PPP2R2A: variants seen among roughly 807,000 people sequenced by gnomAD.
The protein encoded by PPP2R2A is serine/threonine-protein phosphatase 2A 55 kDa regulatory subunit B alpha isoform.
Under a neutral mutation model 53.2 loss-of-function variants are expected in PPP2R2A, and 9 were observed. The observed-to-expected ratio is 0.17, with a 90% CI of 0.10 to 0.30. The LOEUF (loss-of-function observed/expected upper bound fraction) is 0.30, where lower values mean the gene tolerates loss of function less well. Among genes scored for constraint, PPP2R2A ranks in the 10% least tolerant of loss-of-function variants. The pLI is 1.00. For synonymous variants in PPP2R2A, 169 were observed against 174.2 expected (o/e 0.97, Z 0.23); for missense variants, 235 against 534.6 (o/e 0.44, Z 5.53).
chr8:26,355,766 G>C (rs1252748871), intron 4 of PPP2R2A, among the ~76,000 whole-genome samples: 3 of 152,002 alleles, frequency 2.0e-5, no homozygotes, highest in Admixed American at 1.3e-4. Flanking sequence ...TGGGGCGGGG[G>C]TGCTGAGGCA....
At chr8:26,365,990 A>G (rs1160889422) in intron 8 of PPP2R2A, 4 of 196,888 alleles carry the variant, frequency 2.0e-5, no homozygotes, top group East Asian at 1.3e-4. Flanking sequence ...AGATATTGCT[A>G]TAATGTTCTT....
intron 4 of PPP2R2A, among the ~76,000 whole-genome samples, chr8:26,359,952 T>G (rs1261845238): frequency 6.6e-6 from 1 of 152,116 alleles, no homozygotes; most frequent in East Asian, 1.9e-4. Flanking sequence ...GATTTGACTA[T>G]CACATGGAAT....
At chr8:26,358,704 C>G (rs1804920571) in intron 4 of PPP2R2A, among the ~76,000 whole-genome samples, 1 of 152,062 alleles carries the variant, frequency 6.6e-6, no homozygotes, top group African/African-American at 2.4e-5. Flanking sequence ...TATGAAAGAT[C>G]GTTAGGAATG....
At chr8:26,293,431 A>G in intron 1 of PPP2R2A, 1 of 735,440 alleles carries the variant, frequency 1.4e-6, no homozygotes, top group South Asian at 1.9e-5. Flanking sequence ...CAGATGTTTA[A>G]TGACCACAGA....
chr8:26,317,990 T>C (rs1313248974), intron 2 of PPP2R2A, among the ~76,000 whole-genome samples: 1 of 152,174 alleles, frequency 6.6e-6, no homozygotes, highest in African/African-American at 2.4e-5. Context: ...GACAGAAATT[T>C]TATTCATAAC....
chr8:26,347,225 CAGAG>C (rs1175913978), intron 3 of PPP2R2A, among the ~76,000 whole-genome samples: 3 of 149,886 alleles, frequency 2.0e-5, no homozygotes, highest in Non-Finnish European at 4.4e-5. Context: ...AATCTTCTCT[CAGAG>C]AGAAACCAAC....
In PPP2R2A at chr8:26,293,582, T is replaced by C. The variant is rs2117176753; in HGVS notation, c.8-84T>C. On this transcript the variant is annotated intron_variant, in intron 1 of 9. Coordinates refer to ENST00000380737, the MANE Select transcript of PPP2R2A (RefSeq NM_002717.4). The stretch of plus-strand genomic sequence containing the variant: ...GGGCAGAACTAGGCTGTTAGTATCA[T>C]GCCAACCATGGATACCATCTTTGTG... 3.0e-6 allele frequency: 4 copies of C among 1,341,856 alleles called. No homozygotes were observed. In the Admixed American group the frequency reaches 6.1e-5, roughly 20 times the overall value. 83.1% of individuals were successfully genotyped at this position (1,341,856 alleles called of 1,614,324 possible).
chr8:26,359,647 G>T (rs201325329), intron 4 of PPP2R2A, among the ~76,000 whole-genome samples: 2 of 71,992 alleles, frequency 2.8e-5, no homozygotes, highest in African/African-American at 5.3e-5. Flanking sequence ...GAAGGGGAAA[G>T]GTTTTAAAAA....
intron 1 of PPP2R2A, chr8:26,292,315 G>C: frequency 1.0e-6 from 1 of 988,446 alleles, no homozygotes; most frequent in Non-Finnish European, 1.2e-6. Flanking sequence ...TACAGTGGGG[G>C]CATATGTGTA....
intron 3 of PPP2R2A, among the ~76,000 whole-genome samples, chr8:26,351,437 C>T (rs1435118166): frequency 2.0e-5 from 3 of 152,146 alleles, no homozygotes; most frequent in Non-Finnish European, 2.9e-5. Context: ...GCAGTAGCCA[C>T]ATTTTAGGTG....
chr8:26,324,999 C>G (rs573935961), intron 2 of PPP2R2A, among the ~76,000 whole-genome samples: 9 of 149,746 alleles, frequency 6.0e-5, no homozygotes, highest in African/African-American at 2.2e-4. Flanking sequence ...TGTACCCCCA[C>G]TGTATCTAGG....
chr8:26,330,064 C>A (rs1029566729), intron 2 of PPP2R2A, among the ~76,000 whole-genome samples: 1 of 152,112 alleles, frequency 6.6e-6, no homozygotes, highest in Admixed American at 6.5e-5. Context: ...GTGATACTTA[C>A]GTTAGAGCAC....
At chr8:26,314,182 G>A (rs1377024317) in intron 2 of PPP2R2A, among the ~76,000 whole-genome samples, 3 of 152,220 alleles carry the variant, frequency 2.0e-5, no homozygotes, top group Non-Finnish European at 1.5e-5. Context: ...GGAGTACTTC[G>A]TTTCGTTTTC....
At chr8:26,344,414 G>A (rs1425164688) in intron 3 of PPP2R2A, among the ~76,000 whole-genome samples, 1 of 152,134 alleles carries the variant, frequency 6.6e-6, no homozygotes, top group Non-Finnish European at 1.5e-5. Flanking sequence ...ATCCTGTTTG[G>A]TGTGATGAGC....
intron 2 of PPP2R2A, among the ~76,000 whole-genome samples, chr8:26,315,865 A>T (rs1353623388): frequency 6.6e-6 from 1 of 152,190 alleles, no homozygotes; most frequent in Non-Finnish European, 1.5e-5. Context: ...CTACATGTTT[A>T]ACAAGTGTAT....
At position 26,360,809 on chromosome 8, in the gene PPP2R2A, C is replaced by A; in HGVS notation, c.460-165C>A. On this transcript the variant is annotated intron_variant, in intron 5 of 9. Transcript: ENST00000380737. The surrounding 1 kb of genome is among the most constrained non-coding windows in gnomAD (Gnocchi z 4.5). The stretch of plus-strand genomic sequence containing the variant: ...TTATCCACATTGTTCATTTTTTCTT[C>A]AGCACTCGAAAGGATCAACATCAGT... 1 of 579,304 alleles carries A rather than the reference C, an allele frequency of 1.7e-6. No individual in the cohort carries two copies. Among genetic ancestry groups the A allele is most frequent in the Non-Finnish European group, 2.8e-6 (1 of 352,470 alleles). The allele number at this position is 579,304 out of a possible 1,614,324, so 35.9% of individuals were successfully genotyped here.
At chr8:26,301,797 CA>C (rs1801803390) in intron 2 of PPP2R2A, among the ~76,000 whole-genome samples, 3 of 152,208 alleles carry the variant, frequency 2.0e-5, no homozygotes, top group Non-Finnish European at 4.4e-5. Context: ...CAGTAGTACT[CA>C]GGTGATACTT....
At chr8:26,305,641 C>A (rs2117215106) in intron 2 of PPP2R2A, among the ~76,000 whole-genome samples, 1 of 152,238 alleles carries the variant, frequency 6.6e-6, no homozygotes, top group African/African-American at 2.4e-5. Flanking sequence ...ATTTTAGGTA[C>A]ATGGAGGTCC....
chr8:26,362,924 C>T lies in PPP2R2A; in HGVS notation c.802+76C>T, dbSNP rs1468277273. On this transcript the variant is annotated intron_variant, in intron 7 of 9. Coordinates refer to ENST00000380737, the MANE Select transcript of PPP2R2A (RefSeq NM_002717.4). The surrounding 1 kb of genome is among the most constrained non-coding windows in gnomAD (Gnocchi z 4.4). ...AAATAAGCCTCAGACATGATAAGTA[C>T]AATTACAGAGGTTCAAAGTCTTAAA... 9 of 1,411,642 alleles carry T rather than the reference C, an allele frequency of 6.4e-6. No individual in the cohort carries two copies. Among genetic ancestry groups the T allele is most frequent in the Non-Finnish European group, 7.8e-6 (8 of 1,026,054 alleles). The allele number at this position is 1,411,642 out of a possible 1,614,324, so 87.4% of individuals were successfully genotyped here.
Sources: allele counts gnomAD v4.1 joint callset (sites outside exome capture counted in the v4.1 genomes callset), GRCh38; gene constraint gnomAD v4.1.1; non-coding constraint Gnocchi (gnomAD v3.1); transcripts MANE v1.5; gene names NCBI Gene and HGNC (gene_info 2026-07-23, HGNC 2026-07-21).